Variants in COL5A2 observed in about 807,000 individuals in gnomAD.
COL5A2 encodes collagen alpha-2(V) chain.
COL5A2 carries 23 observed loss-of-function variants against 208.2 expected under a neutral mutation model. The ratio of observed to expected loss-of-function variants is 0.11; its 90% CI spans 0.08 to 0.16. The LOEUF (loss-of-function observed/expected upper bound fraction) is 0.16, where lower values mean the gene tolerates loss of function less well. Ranked by LOEUF, COL5A2 falls within the 10% of genes least tolerant of loss-of-function variation. The pLI is 1.00. For missense variants in COL5A2, 1,590 were observed against 1,956.4 expected, an observed-to-expected ratio of 0.81 and a Z score of 3.53; for synonymous variants, 625 against 628.5, an observed-to-expected ratio of 0.99 and a Z score of 0.08.
the COL5A2 span, among the ~76,000 whole-genome samples, chr2:189,235,458 G>C: frequency 6.6e-6 from 1 of 151,752 alleles, no homozygotes; most frequent in South Asian, 2.1e-4. Context: ...TAGTCACAAA[G>C]TGAACATGTA....
the COL5A2 span, among the ~76,000 whole-genome samples, chr2:189,332,536 C>T: frequency 6.6e-6 from 1 of 152,176 alleles, no homozygotes; most frequent in Admixed American, 6.5e-5. Context: ...CTTTCTCATG[C>T]TGTTCTCATA....
intron 1 of COL5A2, among the ~76,000 whole-genome samples, chr2:189,160,315 CA>C (rs1462120361): frequency 1.3e-5 from 2 of 152,006 alleles, no homozygotes; most frequent in Non-Finnish European, 1.5e-5. Flanking sequence ...CAGAAGACAC[CA>C]AAAATAAATG....
chr2:189,179,606 T>C lies in COL5A2; in HGVS notation c.-2A>G, dbSNP rs1688746060. 6.2e-7 allele frequency: 1 copy of C among 1,601,574 alleles called. No homozygotes were observed. The highest frequency in any genetic ancestry group is 2.2e-5 in the East Asian group (1 of 44,792). On this transcript the variant is annotated 5_prime_UTR_variant, in exon 1 of 54. Transcript: ENST00000374866. ...TGCTTCCGCCCAGTTTGCCATCATG[T>C]CTAAATATTAGACATGTGGGTTCTC...
intron 1 of COL5A2, among the ~76,000 whole-genome samples, chr2:189,136,657 T>G (rs1032736425): frequency 6.6e-6 from 1 of 151,494 alleles, no homozygotes; most frequent in Non-Finnish European, 1.5e-5. Context: ...GGAAAAGAGA[T>G]AGTCAAATTT....
the COL5A2 span, among the ~76,000 whole-genome samples, chr2:189,249,112 G>C: frequency 6.6e-6 from 1 of 152,098 alleles, no homozygotes; most frequent in African/African-American, 2.4e-5. Context: ...AATGAAGTTA[G>C]CAATATATAC....
intron 1 of COL5A2, among the ~76,000 whole-genome samples, chr2:189,175,960 G>T (rs1688671549): frequency 6.6e-6 from 1 of 152,138 alleles, no homozygotes; most frequent in Non-Finnish European, 1.5e-5. Context: ...ACAGTAATGA[G>T]TTTAAAACAA....
intron 1 of COL5A2, among the ~76,000 whole-genome samples, chr2:189,149,751 G>A (rs546617678): frequency 5.9e-5 from 9 of 152,054 alleles, no homozygotes; most frequent in Admixed American, 3.9e-4. Flanking sequence ...AGTGTTTAGT[G>A]GTTTCAAGAC....
chr2:189,299,085 GTT>G, the COL5A2 span, among the ~76,000 whole-genome samples: 1 of 151,994 alleles, frequency 6.6e-6, no homozygotes, highest in Non-Finnish European at 1.5e-5. Context: ...ATTTTGCTTT[GTT>G]TTTCTAAAAG....
intron 1 of COL5A2, among the ~76,000 whole-genome samples, chr2:189,135,354 G>C (rs36019389): frequency 1.3e-5 from 2 of 152,028 alleles, no homozygotes; most frequent in Non-Finnish European, 2.9e-5. Context: ...TTGCCACACA[G>C]TCAGTTGTGA....
chr2:189,252,068 T>C, the COL5A2 span, among the ~76,000 whole-genome samples: 2 of 152,160 alleles, frequency 1.3e-5, no homozygotes. Flanking sequence ...TGAGATACCA[T>C]CTCACATCAG....
At chr2:189,358,031 C>T in the COL5A2 span, among the ~76,000 whole-genome samples, 1 of 152,174 alleles carries the variant, frequency 6.6e-6, no homozygotes, top group African/African-American at 2.4e-5. Context: ...CACCCTGCTT[C>T]AGCTCACCCT....
upstream of COL5A2, among the ~76,000 whole-genome samples, chr2:189,183,281 T>TA (rs1688806248): frequency 6.6e-6 from 1 of 152,178 alleles, no homozygotes; most frequent in Non-Finnish European, 1.5e-5. Flanking sequence ...TGGTCTCACA[T>TA]ACTCCTTTTA....
chr2:189,123,088 C>T (rs1687539807), intron 1 of COL5A2, among the ~76,000 whole-genome samples: 1 of 152,152 alleles, frequency 6.6e-6, no homozygotes, highest in African/African-American at 2.4e-5. Flanking sequence ...CCTCAACCTC[C>T]CGAGTAGCTG....
At chr2:189,386,930 GA>G in the COL5A2 span, among the ~76,000 whole-genome samples, 8 of 151,716 alleles carry the variant, frequency 5.3e-5, no homozygotes, top group Non-Finnish European at 1.2e-4. Context: ...TTTCTCAGCA[GA>G]AAAACTGTTT....
intron 1 of COL5A2, among the ~76,000 whole-genome samples, chr2:189,218,771 C>T (rs546505690): frequency 6.0e-4 from 91 of 152,112 alleles, no homozygotes; most frequent in Non-Finnish European, 1.1e-3. Flanking sequence ...TTCTCATTGA[C>T]GCCTAGTCAA....
At chr2:189,043,344 G>A (rs1685599172) in intron 47 of COL5A2, 86 bp from the exon 48 acceptor site, 1 of 877,434 alleles carries the variant, frequency 1.1e-6, no homozygotes. Flanking sequence ...TTTTATAATT[G>A]TATTTACTAC....
At chr2:189,306,908 T>C in the COL5A2 span, among the ~76,000 whole-genome samples, 1 of 152,222 alleles carries the variant, frequency 6.6e-6, no homozygotes, top group South Asian at 2.1e-4. Flanking sequence ...ATTCTAAGTG[T>C]AAAATGTAAT....
the COL5A2 span, among the ~76,000 whole-genome samples, chr2:189,258,101 G>A: frequency 1.3e-5 from 2 of 152,042 alleles, no homozygotes; most frequent in Non-Finnish European, 2.9e-5. Flanking sequence ...GTGACAGAGT[G>A]AGATTCTGTC....
At chr2:189,153,132 T>C (rs1349366445) in intron 1 of COL5A2, among the ~76,000 whole-genome samples, 3 of 152,200 alleles carry the variant, frequency 2.0e-5, no homozygotes, top group African/African-American at 7.2e-5. Context: ...AAAGTCAACC[T>C]AGCTAAACAT....
Sources: allele counts gnomAD v4.1 joint callset (sites outside exome capture counted in the v4.1 genomes callset), GRCh38; gene constraint gnomAD v4.1.1; transcripts MANE v1.5; gene names NCBI Gene and HGNC (gene_info 2026-07-23, HGNC 2026-07-21).